SLC6A19: variants seen among roughly 807,000 people sequenced by gnomAD.
SLC6A19 encodes solute carrier family 6 member 19.
In SLC6A19, 67 loss-of-function variants were observed where a neutral mutation model predicts 68.3. That is an observed-to-expected ratio of 0.98 (90% CI 0.81 to 1.20). The LOEUF (loss-of-function observed/expected upper bound fraction) is 1.20, where lower values mean the gene tolerates loss of function less well. SLC6A19 is among the 50% of genes most tolerant of loss of function. SLC6A19 has a pLI of 0.00. For missense variants in SLC6A19, 813 were observed against 851.6 expected (o/e 0.95, Z 0.56); for synonymous variants, 392 against 374.9 (o/e 1.05, Z -0.53).
Position 1,214,160 on chromosome 5 carries a change from G to A in SLC6A19, c.887+95G>A. 6.3e-7 allele frequency: 1 copy of A among 1,580,220 alleles called. No individual in the cohort carries two copies. Among genetic ancestry groups the A allele is most frequent in the Non-Finnish European group, 8.6e-7 (1 of 1,164,002 alleles). On this transcript the variant is annotated intron_variant, in intron 6 of 11. Transcript: ENST00000304460. The surrounding 1 kb of genome is among the most constrained non-coding windows in gnomAD (Gnocchi z 7.4). ...ACAAGGTGGAAAGCACTCTGTGGCT[G>A]TGTGGCCGGGGCCTTGCTGCCCCGA...
chr5:1,211,503 C>T (rs78877550), intron 3 of SLC6A19, among the ~76,000 whole-genome samples: 9,460 of 152,322 alleles, frequency 0.062, 394 homozygotes, highest in Admixed American at 0.096. Context: ...ACTGTTGGGG[C>T]TGGAGCCTTC....
intron 6 of SLC6A19, among the ~76,000 whole-genome samples, 195 bp from the exon 7 acceptor site, chr5:1,216,363 G>T (rs1282393697): frequency 6.6e-6 from 1 of 152,182 alleles, no homozygotes; most frequent in East Asian, 1.9e-4. Flanking sequence ...ACCAGGTGCT[G>T]CCCTGGGGCC....
chr5:1,201,988 G>A (rs545431937), intron 1 of SLC6A19, 136 bp downstream of exon 1: 9 of 1,219,208 alleles, frequency 7.4e-6, no homozygotes, highest in Admixed American at 5.4e-5. Context: ...CGCAGGGTGT[G>A]GGGGGAGCTG....
chr5:1,206,478 G>A (rs1745856034), intron 1 of SLC6A19, among the ~76,000 whole-genome samples: 1 of 152,078 alleles, frequency 6.6e-6, no homozygotes, highest in African/African-American at 2.4e-5. Flanking sequence ...CCCTGAGGAT[G>A]GTAGTTTGGG....
chr5:1,208,706 G>A (rs371938584), intron 1 of SLC6A19, 40 bp from the exon 2 acceptor site: 68 of 1,612,790 alleles, frequency 4.2e-5, no homozygotes, highest in South Asian at 5.5e-5. Flanking sequence ...CTGCTCCCCC[G>A]GGAACGGCTC....
chr5:1,213,176 C>T (rs1378005656), intron 4 of SLC6A19, among the ~76,000 whole-genome samples: 1 of 118,856 alleles, frequency 8.4e-6, no homozygotes, highest in East Asian at 2.6e-4. Context: ...ATCCCACATA[C>T]CCGGACTCCA....
Position 1,201,603 on chromosome 5 carries a change from T to C in SLC6A19, c.-48T>C, listed in dbSNP as rs1309950016. On this transcript the variant is annotated 5_prime_UTR_variant, in exon 1 of 12. Transcript: ENST00000304460. ...GCTCCCGGCCCACGGCCACTCGCCC[T>C]CCAGCTTCTGCCCTGCCTGCTGTGT... is the stretch of plus-strand genomic sequence containing the variant. The C allele has an allele frequency of 1.3e-5, 20 of 1,577,790 alleles. No individual in the cohort carries two copies. The highest frequency in any genetic ancestry group is 1.7e-5 in the Non-Finnish European group (20 of 1,168,682).
In SLC6A19 at chr5:1,211,079, C is replaced by T. The variant is rs543881923; in HGVS notation, c.481+498C>T. ...CGTGTGACATGCAATCAGCTCACGG[C>T]GATTCACACGTGGTCCTGGGGCCTG... On this transcript the variant is annotated intron_variant, in intron 3 of 11. Transcript: ENST00000304460. Among the ~76,000 whole-genome samples, 837 of 152,288 alleles carry T rather than the reference C, an allele frequency of 5.5e-3. 7 individuals are homozygous for T. Among genetic ancestry groups the T allele is most frequent in the Non-Finnish European group, 7.8e-3 (528 of 68,006 alleles).
chr5:1,206,700 G>A (rs1007604233), intron 1 of SLC6A19, among the ~76,000 whole-genome samples: 4 of 152,116 alleles, frequency 2.6e-5, no homozygotes, highest in South Asian at 2.1e-4. Context: ...GCAGGCAGGC[G>A]GGTCACGCGT....
chr5:1,216,054 T>C (rs1009933753), intron 6 of SLC6A19, among the ~76,000 whole-genome samples: 7 of 152,150 alleles, frequency 4.6e-5, no homozygotes, highest in Admixed American at 1.3e-4. Flanking sequence ...TGGAGTGAGC[T>C]GGCTGGGTTG....
chr5:1,222,026 A>G lies in SLC6A19; in HGVS notation c.*122A>G. 9.1e-7 allele frequency: 1 copy of G among 1,099,352 alleles called. No individual in the cohort carries two copies. Among genetic ancestry groups the G allele is most frequent in the Non-Finnish European group, 1.3e-6 (1 of 755,288 alleles). The allele number at this position is 1,099,352 out of a possible 1,614,324, so 68.1% of individuals were successfully genotyped here. A position where few individuals can be genotyped will look rare whatever the true frequency, so the allele number is the denominator to read the frequency against. Reference sequence around the variant, plus strand: ...AAGCGTGAGTGTATGCTCGTGTGTGAGTGTGTGTATTGTACACGCATGTGC... The same window carrying G: ...AAGCGTGAGTGTATGCTCGTGTGTGGGTGTGTGTATTGTACACGCATGTGC... On this transcript the variant is annotated 3_prime_UTR_variant, in exon 12 of 12. Transcript: ENST00000304460.
intron 2 of SLC6A19, 78 bp downstream of exon 2, chr5:1,208,964 C>T (rs1561163130): frequency 3.3e-6 from 5 of 1,527,078 alleles, no homozygotes; most frequent in South Asian, 2.4e-5. Context: ...GCCCAGGGTT[C>T]GCCTTGCCGG....
Position 1,222,067 on chromosome 5 carries a change from G to A in SLC6A19, c.*163G>A. 1.3e-6 allele frequency: 1 copy of A among 781,634 alleles called. No homozygotes were observed. The highest frequency in any genetic ancestry group is 2.1e-6 in the Non-Finnish European group (1 of 484,588). 48.4% of individuals were successfully genotyped at this position (781,634 alleles called of 1,614,324 possible). On this transcript the variant is annotated 3_prime_UTR_variant, in exon 12 of 12. Transcript: ENST00000304460. Reference sequence around the variant, plus strand: ...ACGCATGTGCCATGTGTGCAGATATGTATCGTGTGTGCATGTACATGCATG... The same window carrying A: ...ACGCATGTGCCATGTGTGCAGATATATATCGTGTGTGCATGTACATGCATG...
intron 10 of SLC6A19, 79 bp downstream of exon 10, chr5:1,219,743 G>C: frequency 6.3e-7 from 1 of 1,586,344 alleles, no homozygotes; most frequent in Non-Finnish European, 8.6e-7. Flanking sequence ...GAGGACCCGG[G>C]CTGTGTTCAG....
rs138944821 is a variant in SLC6A19 at position 1,201,678 on chromosome 5, G to A, written c.28G>A (p.Gly10Ser). Residue 10 changes from glycine (G) to serine (S), a missense_variant, in exon 1 of 12, where the codon GGC becomes AGC. Physicochemically the swap from Gly to Ser is moderately conservative, Grantham distance 56. Transcript: ENST00000304460. The stretch of plus-strand genomic sequence containing the variant: ...GGTGAGGCTCGTGCTGCCCAACCCC[G>A]GCCTAGACGCCCGGATCCCGTCCCT... MVRLVLPNP[G>S]LDARIPSLAE... 1.9e-4 allele frequency: 311 copies of A among 1,608,660 alleles called. No individual in the cohort carries two copies. Among genetic ancestry groups the A allele is most frequent in the Non-Finnish European group, 2.3e-4 (272 of 1,179,632 alleles).
In SLC6A19 at chr5:1,216,653, G is replaced by A. The variant is rs552867213; in HGVS notation, c.983G>A (p.Arg328His). The A allele has an allele frequency of 9.8e-5, 158 of 1,613,910 alleles. No homozygotes were observed. The highest frequency in any genetic ancestry group is 1.0e-4 in the Non-Finnish European group (118 of 1,180,042). ...AIVVYSVIGF[R>H]ATQRYDDCFS... ...GTGGTCTACTCCGTCATTGGGTTCCGCGCCACACAGCGCTACGACGACTGC... is the reference window on the plus strand; with the variant it reads ...GTGGTCTACTCCGTCATTGGGTTCCACGCCACACAGCGCTACGACGACTGC... The change falls in exon 7 of 12, where the codon CGC becomes CAC. Residue 328 changes from arginine to histidine, a missense_variant. Transcript: ENST00000304460.
chr5:1,218,528 C>G (rs922921290), intron 8 of SLC6A19, among the ~76,000 whole-genome samples: 1 of 152,232 alleles, frequency 6.6e-6, no homozygotes, highest in African/African-American at 2.4e-5. Flanking sequence ...GGCCACCTGC[C>G]TTCCGAGCAC....
rs770385514 is a variant in SLC6A19, at chr5:1,224,080, T to C, written c.*2176T>C. ...GCTCTTTGGCCCTGGATCGAGAAAA[T>C]TTCCATCAGTGCCCCATTAATATGC... On this transcript the variant is annotated 3_prime_UTR_variant, in exon 12 of 12. Transcript: ENST00000304460. The C allele has an allele frequency of 6.6e-6, 1 of 152,220 alleles. No homozygotes were observed. Among genetic ancestry groups the C allele is most frequent in the Non-Finnish European group, 1.5e-5 (1 of 68,054 alleles). The allele number at this position is 152,220 out of a possible 1,614,324, so 9.4% of individuals were successfully genotyped here. A position where few individuals can be genotyped will look rare whatever the true frequency, so the allele number is the denominator to read the frequency against.
Position 1,201,812 on chromosome 5 carries a change from C to T in SLC6A19, c.162C>T (p.Asn54=), listed in dbSNP as rs139760936. 4.0e-4 allele frequency: 637 copies of T among 1,612,336 alleles called. 1 individual carries two copies. Among genetic ancestry groups the T allele is most frequent in the Non-Finnish European group, 4.8e-4 (571 of 1,179,872 alleles). Residue 54 remains asparagine, a synonymous_variant, in exon 1 of 12, where the codon AAC becomes AAT. Coordinates refer to ENST00000304460, the MANE Select transcript of SLC6A19 (RefSeq NM_001003841.3). ...TGGGCTTCTGCGTGGGCCTCGGCAA[C>T]GTGTGGCGCTTCCCCTACCTGTGTC... ...TCLGFCVGLG[N]VWRFPYLCQS... is the part of the protein sequence containing the mutation.
Sources: allele counts gnomAD v4.1 joint callset (sites outside exome capture counted in the v4.1 genomes callset), GRCh38; gene constraint gnomAD v4.1.1; non-coding constraint Gnocchi (gnomAD v3.1); transcripts MANE v1.5; gene names NCBI Gene and HGNC (gene_info 2026-07-23, HGNC 2026-07-21).